Variants in IKZF3 observed in about 807,000 individuals in gnomAD.
IKZF3 encodes the protein zinc finger protein Aiolos.
A neutral mutation model predicts 49.0 loss-of-function variants in IKZF3; 10 were observed. The ratio of observed to expected loss-of-function variants is 0.20; its 90% CI spans 0.13 to 0.35. The LOEUF is 0.35. Among genes scored for constraint, IKZF3 ranks in the 10% least tolerant of loss-of-function variants. The probability of loss-of-function intolerance (pLI) is 1.00; values close to 1 mark genes in which losing one functional copy is unlikely to be tolerated. For missense variants in IKZF3, 498 were observed against 664.8 expected, an observed-to-expected ratio of 0.75 and a Z score of 2.76; for synonymous variants, 209 against 228.2, an observed-to-expected ratio of 0.92 and a Z score of 0.76.
At chr17:39,828,276 T>G (rs1295794443) in intron 3 of IKZF3, among the ~76,000 whole-genome samples, 1 of 152,220 alleles carries the variant, frequency 6.6e-6, no homozygotes, top group Admixed American at 6.5e-5. Context: ...TATTGCCTAG[T>G]GGTAGAAATA....
At chr17:39,779,174 A>G (rs1321256540) in intron 6 of IKZF3, among the ~76,000 whole-genome samples, 2 of 152,198 alleles carry the variant, frequency 1.3e-5, no homozygotes, top group Admixed American at 6.5e-5. Context: ...CTAAAGTTCA[A>G]AGAAGGCCAG....
In IKZF3 at chr17:39,766,253, G is replaced by A; in HGVS notation, c.1067C>T (p.Pro356Leu). The A allele has an allele frequency of 6.2e-7, 1 of 1,614,168 alleles. No homozygotes were observed. Among genetic ancestry groups the A allele is most frequent in the African/African-American group, 1.3e-5 (1 of 75,040 alleles). ...LTRAEMSNGA[P>L]QELEKKSIHL... ...GATGCTTTTCTTTTCCAGCTCTTGAGGGGCACCGTTTGACATCTCAGCCCG... is the reference window on the plus strand; with the variant it reads ...GATGCTTTTCTTTTCCAGCTCTTGAAGGGCACCGTTTGACATCTCAGCCCG... Residue 356 changes from proline to leucine, a missense_variant, in exon 8 of 8, where the codon CCT (proline) becomes CTT (leucine). Around this residue, in one of 3 missense-constraint regions of IKZF3, gnomAD observed 317 missense variants for 397.3 expected, o/e 0.80. Transcript: ENST00000346872.
intron 7 of IKZF3, among the ~76,000 whole-genome samples, chr17:39,770,932 A>G (rs1450239730): frequency 1.3e-5 from 2 of 151,790 alleles, no homozygotes; most frequent in African/African-American, 4.8e-5. Flanking sequence ...CAGCCTCCCA[A>G]GTGTCTGGGA....
intron 1 of IKZF3, among the ~76,000 whole-genome samples, chr17:39,837,027 G>C (rs775719150): frequency 7.2e-5 from 11 of 151,936 alleles, no homozygotes; most frequent in Non-Finnish European, 1.5e-4. Flanking sequence ...GACCTCCTGG[G>C]CTCAAGCAAT....
chr17:39,761,147 A>G lies in IKZF3; in HGVS notation c.*4643T>C, dbSNP rs1428730648. 1 of 152,226 alleles carries G rather than the reference A, an allele frequency of 6.6e-6. No homozygotes were observed. The highest frequency in any genetic ancestry group is 1.5e-5 in the Non-Finnish European group (1 of 68,044). The allele number at this position is 152,226 out of a possible 1,614,324, so 9.4% of individuals were successfully genotyped here. On this transcript the variant is annotated 3_prime_UTR_variant, in exon 8 of 8. Transcript: ENST00000346872. ...GTATGGGCCTAACAAAATGTTAAGC[A>G]CTGCATTTAAAAGGTGAGAAATTTT...
At chr17:39,770,057 G>A (rs971890734) in intron 7 of IKZF3, among the ~76,000 whole-genome samples, 8 of 152,150 alleles carry the variant, frequency 5.3e-5, no homozygotes, top group Admixed American at 3.3e-4. Context: ...AGATCCCCTC[G>A]TCTCTGAGTT....
At chr17:39,862,276 C>T (rs2063233433) in intron 1 of IKZF3, among the ~76,000 whole-genome samples, 1 of 152,004 alleles carries the variant, frequency 6.6e-6, no homozygotes, top group Non-Finnish European at 1.5e-5. Flanking sequence ...ACTTTATATG[C>T]TGAAGGAATG....
chr17:39,796,694 C>T (rs2061171721), intron 3 of IKZF3, among the ~76,000 whole-genome samples: 2 of 151,488 alleles, frequency 1.3e-5, no homozygotes, highest in South Asian at 2.1e-4. Flanking sequence ...GTGCCCACCA[C>T]CACACCTGGC....
At chr17:39,855,820 A>C (rs1333352547) in intron 1 of IKZF3, among the ~76,000 whole-genome samples, 2 of 152,318 alleles carry the variant, frequency 1.3e-5, no homozygotes, top group East Asian at 3.9e-4. Context: ...TTTGCTTCAA[A>C]GTTGAATCAC....
At chr17:39,860,097 G>T (rs2063175027) in intron 1 of IKZF3, among the ~76,000 whole-genome samples, 2 of 152,030 alleles carry the variant, frequency 1.3e-5, no homozygotes, top group Admixed American at 1.3e-4. Flanking sequence ...AAATCAGCAG[G>T]TCATGGCGGT....
At chr17:39,781,044 A>G (rs907970452) in intron 6 of IKZF3, among the ~76,000 whole-genome samples, 5 of 152,194 alleles carry the variant, frequency 3.3e-5, no homozygotes, top group African/African-American at 1.2e-4. Flanking sequence ...GGCTAGTGCA[A>G]AAGTACTCGA....
chr17:39,762,208 C>T lies in IKZF3; in HGVS notation c.*3582G>A, dbSNP rs2060199025. On this transcript the variant is annotated 3_prime_UTR_variant, in exon 8 of 8. Coordinates refer to ENST00000346872, the MANE Select transcript of IKZF3 (RefSeq NM_012481.5). ...GCAGTGGCAGATGCAAGTCCTGACTCTGCCCTTCTGCTAAGATTCTCCTTC... is the reference window on the plus strand; with the variant it reads ...GCAGTGGCAGATGCAAGTCCTGACTTTGCCCTTCTGCTAAGATTCTCCTTC... The T allele has an allele frequency of 6.6e-6, 1 of 152,098 alleles. No individual in the cohort carries two copies. The highest frequency in any genetic ancestry group is 6.5e-5 in the Admixed American group (1 of 15,276). The allele number at this position is 152,098 out of a possible 1,614,324, so 9.4% of individuals were successfully genotyped here.
chr17:39,829,454 G>A lies in IKZF3; in HGVS notation c.96C>T (p.Thr32=), dbSNP rs747985746. 1.2e-6 allele frequency: 2 copies of A among 1,613,796 alleles called. No homozygotes were observed. Among genetic ancestry groups the A allele is most frequent in the Non-Finnish European group, 8.5e-7 (1 of 1,179,824 alleles). The change falls in exon 3 of 8, where the codon ACC becomes ACT. Residue 32 remains threonine (T), a synonymous_variant. Transcript: ENST00000346872. ...SAAVLNDYSL[T]KSHEMENVDS... The stretch of plus-strand genomic sequence containing the variant: ...CCACATTTTCCATTTCATGAGATTT[G>A]GTTAAACTGTAGTCATTCAAAACCG...
intron 3 of IKZF3, among the ~76,000 whole-genome samples, chr17:39,823,472 A>G (rs1487145748): frequency 1.3e-5 from 2 of 152,244 alleles, no homozygotes; most frequent in East Asian, 1.9e-4. Flanking sequence ...ATAAATTTGC[A>G]TAAGTAATGA....
At position 39,765,823 on chromosome 17, in the gene IKZF3, T is replaced by A. The variant is rs766324966; in HGVS notation, c.1497A>T (p.Ile499=). ...GCAGGGCTCTGTGTTCTCCTCTGGCTATGTGAGACGAGAACTCATACCGAT... is the reference window on the plus strand; with the variant it reads ...GCAGGGCTCTGTGTTCTCCTCTGGCAATGTGAGACGAGAACTCATACCGAT... ...SHDRYEFSSH[I]ARGEHRALLK The change falls in exon 8 of 8, where the codon ATA becomes ATT. Residue 499 remains isoleucine (I), a synonymous_variant. Coordinates refer to ENST00000346872, the MANE Select transcript of IKZF3 (RefSeq NM_012481.5). 41 of 1,612,246 alleles carry A rather than the reference T, an allele frequency of 2.5e-5. No homozygotes were observed. Among genetic ancestry groups the A allele is most frequent in the Non-Finnish European group, 3.5e-5 (41 of 1,178,522 alleles).
At chr17:39,788,818 G>C (rs1477832324) in intron 5 of IKZF3, among the ~76,000 whole-genome samples, 6 of 152,254 alleles carry the variant, frequency 3.9e-5, no homozygotes, top group Admixed American at 1.3e-4. Flanking sequence ...CATTCGGCTA[G>C]AAACTGATGG....
In IKZF3 at chr17:39,765,540, G is replaced by C. The variant is rs781496956; in HGVS notation, c.*250C>G. Reference sequence around the variant, plus strand: ...AAGATAATGACCAAATACCTTTTTGGCTTTTAAATTCCATAAAATTCAAGT... The same window carrying C: ...AAGATAATGACCAAATACCTTTTTGCCTTTTAAATTCCATAAAATTCAAGT... On this transcript the variant is annotated 3_prime_UTR_variant, in exon 8 of 8. Transcript: ENST00000346872. 4.6e-6 allele frequency: 2 copies of C among 435,370 alleles called. No individual in the cohort carries two copies. The highest frequency in any genetic ancestry group is 4.1e-6 in the Non-Finnish European group (1 of 243,076). 27.0% of individuals were successfully genotyped at this position (435,370 alleles called of 1,614,324 possible).
chr17:39,846,774 A>C (rs1457372551), intron 1 of IKZF3, among the ~76,000 whole-genome samples: 1 of 152,092 alleles, frequency 6.6e-6, no homozygotes, highest in Non-Finnish European at 1.5e-5. Flanking sequence ...TTACCATTGA[A>C]TTAAGAATAT....
chr17:39,827,480 T>C (rs965670872), intron 3 of IKZF3, among the ~76,000 whole-genome samples: 1 of 151,430 alleles, frequency 6.6e-6, no homozygotes, highest in Non-Finnish European at 1.5e-5. Context: ...ATTATTATAA[T>C]TTTTTTTTAT....
Sources: gnomAD v4.1 joint callset for allele counts (sites outside exome capture counted in the v4.1 genomes callset) on GRCh38, gnomAD v4.1.1 for gene constraint, gnomAD v4.1.1 regional missense constraint, MANE v1.5 for transcripts, NCBI Gene and HGNC (gene_info 2026-07-23, HGNC 2026-07-21) for gene names.